CFAP299: variants seen among roughly 807,000 people sequenced by gnomAD.
CFAP299 encodes cilia and flagella associated protein 299, also known as cilia- and flagella-associated protein 299.
A neutral mutation model predicts 27.0 loss-of-function variants in CFAP299; 21 were observed. That is an observed-to-expected ratio of 0.78 (90% CI 0.55 to 1.12). The LOEUF (loss-of-function observed/expected upper bound fraction) is 1.12. CFAP299 is among the 50% of genes most tolerant of loss of function. The probability of loss-of-function intolerance (pLI) is 0.00; values close to 1 mark genes in which losing one functional copy is unlikely to be tolerated. For missense variants in CFAP299, 310 were observed against 276.6 expected (o/e 1.12, Z -0.86); for synonymous variants, 104 against 98.1 (o/e 1.06, Z -0.36).
At chr4:80,715,784 T>C (rs974730081) in intron 3 of CFAP299, among the ~76,000 whole-genome samples, 1 of 152,090 alleles carries the variant, frequency 6.6e-6, no homozygotes, top group African/African-American at 2.4e-5. Flanking sequence ...AATTTGATGA[T>C]TTTTAAGACA....
intron 3 of CFAP299, among the ~76,000 whole-genome samples, chr4:80,658,327 C>T (rs1740668859): frequency 6.6e-6 from 1 of 152,258 alleles, no homozygotes; most frequent in Non-Finnish European, 1.5e-5. Flanking sequence ...AAAGGGAATG[C>T]TTCCAGCTTT....
At chr4:80,548,823 G>A (rs927327313) in intron 2 of CFAP299, among the ~76,000 whole-genome samples, 7 of 152,080 alleles carry the variant, frequency 4.6e-5, no homozygotes, top group African/African-American at 1.7e-4. Flanking sequence ...GTCTTTCGTG[G>A]AAATTGTATA....
intron 3 of CFAP299, among the ~76,000 whole-genome samples, chr4:80,769,466 C>T (rs1726085526): frequency 6.6e-6 from 1 of 152,040 alleles, no homozygotes. Context: ...GTGATCTCGA[C>T]TCACTGCAGC....
chr4:80,393,570 T>G (rs1725613797), intron 2 of CFAP299, among the ~76,000 whole-genome samples: 1 of 152,182 alleles, frequency 6.6e-6, no homozygotes, highest in Non-Finnish European at 1.5e-5. Flanking sequence ...TATGTTTAGA[T>G]ACACAAATAC....
chr4:80,704,219 A>G (rs1721688038), intron 3 of CFAP299, among the ~76,000 whole-genome samples: 1 of 151,618 alleles, frequency 6.6e-6, no homozygotes, highest in South Asian at 2.1e-4. Context: ...AAAGTTATTC[A>G]TATACTATTG....
chr4:80,783,742 A>G (rs1356643941), intron 3 of CFAP299, among the ~76,000 whole-genome samples: 1 of 152,186 alleles, frequency 6.6e-6, no homozygotes, highest in Non-Finnish European at 1.5e-5. Flanking sequence ...GAATCTTTCA[A>G]AATTTGTTTT....
intron 3 of CFAP299, among the ~76,000 whole-genome samples, chr4:80,660,641 G>C (rs1740795683): frequency 6.6e-6 from 1 of 152,110 alleles, no homozygotes; most frequent in African/African-American, 2.4e-5. Context: ...AGAGGTCTAG[G>C]ATAACATCTG....
intron 3 of CFAP299, among the ~76,000 whole-genome samples, chr4:80,732,070 G>GACAC (rs76562370): frequency 0.019 from 2,045 of 110,486 alleles, 11 homozygotes; most frequent in African/African-American, 0.034. Context: ...CAGACACACA[G>GACAC]ACACACACAC....
At chr4:80,371,003 C>T (rs568492026) in intron 2 of CFAP299, among the ~76,000 whole-genome samples, 2 of 152,224 alleles carry the variant, frequency 1.3e-5, no homozygotes, top group South Asian at 2.1e-4. Context: ...CAGGGTTTTG[C>T]CTGGACATCC....
chr4:80,924,538 G>GTATATATATA lies in CFAP299; in HGVS notation c.477-20256_477-20247dup, dbSNP rs1553906748. 5.9e-3 allele frequency among the ~76,000 whole-genome samples: 779 copies of GTATATATATA among 131,588 alleles called. 11 individuals are homozygous for GTATATATATA. Among genetic ancestry groups the GTATATATATA allele is most frequent in the African/African-American group, 0.023 (730 of 31,868 alleles). 86.3% of individuals were successfully genotyped at this position (131,588 alleles called of 152,430 possible). A position where few individuals can be genotyped will look rare whatever the true frequency, so the allele number is the denominator to read the frequency against. On this transcript the variant is annotated intron_variant, in intron 4 of 5. Transcript: ENST00000358105. Reference sequence around the variant, plus strand: ...TATGTGTGTGTGTGTGTGTGTGTGTGTATATATATATATATATATATATAT... The same window carrying GTATATATATA: ...TATGTGTGTGTGTGTGTGTGTGTGTGTATATATATATATATATATATATATATATATATAT...
rs561069224 is a variant in CFAP299 at position 80,512,073 on chromosome 4, C to T, written c.243-71020C>T. 8.5e-4 allele frequency among the ~76,000 whole-genome samples: 130 copies of T among 152,218 alleles called. 1 individual carries two copies. The highest frequency in any genetic ancestry group is 3.0e-3 in the African/African-American group (123 of 41,546). ...GTAACTAGGAAAAATTAAATTAAGT[C>T]GTTCAACTCTTTCAGCACTTTTTAA... On this transcript the variant is annotated intron_variant, in intron 2 of 5. Transcript: ENST00000358105.
chr4:80,608,860 CAT>C (rs562867841), intron 3 of CFAP299, among the ~76,000 whole-genome samples: 5,982 of 49,410 alleles, frequency 0.12, 416 homozygotes, highest in African/African-American at 0.25. Context: ...TTACACGATG[CAT>C]GTGTGTGTGT....
intron 3 of CFAP299, among the ~76,000 whole-genome samples, chr4:80,799,126 CAA>C (rs1560415942): frequency 2.7e-5 from 3 of 109,676 alleles, no homozygotes; most frequent in Non-Finnish European, 5.4e-5. Flanking sequence ...TATATTTATA[CAA>C]TATTTATATA....
intron 3 of CFAP299, among the ~76,000 whole-genome samples, chr4:80,587,176 A>G (rs992164712): frequency 3.3e-5 from 5 of 152,138 alleles, no homozygotes; most frequent in Non-Finnish European, 4.4e-5. Flanking sequence ...TTTCTTTTTT[A>G]ATAGAATTCA....
intron 4 of CFAP299, among the ~76,000 whole-genome samples, chr4:80,881,916 G>T (rs1733723804): frequency 6.6e-6 from 1 of 152,000 alleles, no homozygotes; most frequent in Non-Finnish European, 1.5e-5. Context: ...TGATGAAAAA[G>T]AATTAACCAG....
chr4:80,383,120 G>A (rs1417347660), intron 2 of CFAP299, among the ~76,000 whole-genome samples: 1 of 152,042 alleles, frequency 6.6e-6, no homozygotes. Context: ...TATAAGTGGG[G>A]GCTAAATGAT....
At chr4:80,855,478 C>G (rs570675445) in intron 3 of CFAP299, among the ~76,000 whole-genome samples, 35 of 152,076 alleles carry the variant, frequency 2.3e-4, no homozygotes. Context: ...CATATGTATA[C>G]ATGTGACATG....
chr4:80,569,103 C>T (rs1191622624), intron 2 of CFAP299, among the ~76,000 whole-genome samples: 1 of 152,076 alleles, frequency 6.6e-6, no homozygotes, highest in East Asian at 1.9e-4. Context: ...GAGCTTCCTA[C>T]TCCGTCATTG....
chr4:80,659,435 G>T (rs1244046953), intron 3 of CFAP299, among the ~76,000 whole-genome samples: 1 of 151,474 alleles, frequency 6.6e-6, no homozygotes, highest in Non-Finnish European at 1.5e-5. Flanking sequence ...TAAATAAAAA[G>T]AATCTTATAA....
Sources: gnomAD v4.1 joint callset for allele counts (sites outside exome capture counted in the v4.1 genomes callset) on GRCh38, gnomAD v4.1.1 for gene constraint, MANE v1.5 for transcripts, NCBI Gene and HGNC (gene_info 2026-07-23, HGNC 2026-07-21) for gene names.